Variants in MYH15 observed in about 807,000 individuals in gnomAD.
MYH15 encodes myosin-15.
MYH15 carries 227 observed loss-of-function variants against 240.5 expected under a neutral mutation model. The observed-to-expected ratio is 0.94, with a 90% confidence interval of 0.85 to 1.05. MYH15 has a LOEUF of 1.05. Ranked by LOEUF, MYH15 falls within the 50% of genes least tolerant of loss-of-function variation. MYH15 has a pLI of 0.00. For missense variants in MYH15, 2,217 were observed against 2,247.5 expected, an observed-to-expected ratio of 0.99 and a Z score of 0.27; for synonymous variants, 785 against 796.7, an observed-to-expected ratio of 0.99 and a Z score of 0.25.
At chr3:108,504,181 C>T (rs1240815376) in intron 2 of MYH15, among the ~76,000 whole-genome samples, 2 of 152,110 alleles carry the variant, frequency 1.3e-5, no homozygotes, top group Admixed American at 6.5e-5. Flanking sequence ...CTAATGGGCA[C>T]AAGATTTCTT....
upstream of MYH15, among the ~76,000 whole-genome samples, chr3:108,530,770 A>C (rs1335277789): frequency 6.6e-6 from 1 of 152,180 alleles, no homozygotes; most frequent in Non-Finnish European, 1.5e-5. Flanking sequence ...ACATTCAAAG[A>C]AGCAGAAAAA....
At chr3:108,510,220 G>C (rs576571307) in intron 1 of MYH15, among the ~76,000 whole-genome samples, 1 of 152,068 alleles carries the variant, frequency 6.6e-6, no homozygotes, top group African/African-American at 2.4e-5. Flanking sequence ...TGTAGGGCCC[G>C]GGCCTAGACT....
intron 21 of MYH15, among the ~76,000 whole-genome samples, chr3:108,447,781 G>A (rs1422577392): frequency 6.6e-6 from 1 of 151,992 alleles, no homozygotes; most frequent in Non-Finnish European, 1.5e-5. Context: ...ATATATAAAA[G>A]TGTAAAACTC....
intron 33 of MYH15, among the ~76,000 whole-genome samples, chr3:108,404,284 G>T (rs2082530079): frequency 6.6e-6 from 1 of 151,934 alleles, no homozygotes; most frequent in Non-Finnish European, 1.5e-5. Context: ...GTGGGAAAGA[G>T]GTCAGTTCAA....
chr3:108,486,559 A>G, intron 9 of MYH15, 33 bp from the exon 10 acceptor site: 1 of 1,446,502 alleles, frequency 6.9e-7, no homozygotes, highest in Non-Finnish European at 9.7e-7. Context: ...TAAACAGCTT[A>G]AAGAAATCTG....
chr3:108,425,281 A>G (rs2082717464), intron 27 of MYH15, among the ~76,000 whole-genome samples: 1 of 152,236 alleles, frequency 6.6e-6, no homozygotes, highest in African/African-American at 2.4e-5. Context: ...ACTCTGATCA[A>G]AGGTTACAAG....
intron 40 of MYH15, among the ~76,000 whole-genome samples, chr3:108,382,383 T>C (rs2082349893): frequency 6.6e-6 from 1 of 152,182 alleles, no homozygotes; most frequent in Non-Finnish European, 1.5e-5. Flanking sequence ...ACTCTTAGGC[T>C]CTCCTTCAAA....
chr3:108,463,345 C>T (rs1419653432), intron 15 of MYH15, 102 bp from the exon 16 acceptor site: 24 of 1,264,138 alleles, frequency 1.9e-5, no homozygotes, highest in Admixed American at 4.7e-5. Context: ...GACAGGGTCT[C>T]ATTCTGTTAT....
intron 27 of MYH15, among the ~76,000 whole-genome samples, chr3:108,422,383 A>G (rs1489642121): frequency 6.6e-6 from 1 of 151,860 alleles, no homozygotes; most frequent in Non-Finnish European, 1.5e-5. Context: ...ATGCCCAGCT[A>G]ATTTTTGTAT....
At chr3:108,427,868 A>G (rs958626252) in intron 27 of MYH15, among the ~76,000 whole-genome samples, 1 of 152,198 alleles carries the variant, frequency 6.6e-6, no homozygotes, top group Non-Finnish European at 1.5e-5. Flanking sequence ...GCAACTAGCC[A>G]TTTGCTCTGC....
the MYH15 span, chr3:108,550,065 A>C: frequency 2.0e-5 from 3 of 152,012 alleles, no homozygotes; most frequent in East Asian, 5.8e-4. Flanking sequence ...CACTTAAATC[A>C]AACAGACATA....
chr3:108,515,854 A>G (rs1299400864), intron 1 of MYH15, among the ~76,000 whole-genome samples: 2 of 152,320 alleles, frequency 1.3e-5, no homozygotes, highest in East Asian at 3.9e-4. Context: ...GGAAGTAAAG[A>G]GGGAAATTCA....
At chr3:108,534,625 G>A in the MYH15 span, among the ~76,000 whole-genome samples, 1 of 151,764 alleles carries the variant, frequency 6.6e-6, no homozygotes, top group Admixed American at 6.6e-5. Context: ...CAGCACTTTC[G>A]GAGATCAAGG....
intron 1 of MYH15, among the ~76,000 whole-genome samples, chr3:108,508,982 T>C (rs1352785349): frequency 6.6e-6 from 1 of 152,164 alleles, no homozygotes; most frequent in Admixed American, 6.6e-5. Flanking sequence ...ATTATCTCCT[T>C]TGATACATGA....
chr3:108,508,973 T>C (rs2083500521), intron 1 of MYH15, among the ~76,000 whole-genome samples: 1 of 152,148 alleles, frequency 6.6e-6, no homozygotes, highest in Non-Finnish European at 1.5e-5. Context: ...ACAAGTATTA[T>C]TATCTCCTTT....
At chr3:108,499,224 G>T (rs2083417913) in intron 5 of MYH15, among the ~76,000 whole-genome samples, 1 of 152,104 alleles carries the variant, frequency 6.6e-6, no homozygotes, top group Non-Finnish European at 1.5e-5. Flanking sequence ...TATTTCTAAA[G>T]GATCTCTGAA....
At chr3:108,432,037 G>A (rs1307950731) in intron 25 of MYH15, among the ~76,000 whole-genome samples, 1 of 150,844 alleles carries the variant, frequency 6.6e-6, no homozygotes, top group Non-Finnish European at 1.5e-5. Flanking sequence ...AGATGACTTG[G>A]GTGCTGTTAA....
At chr3:108,411,615 C>T (rs1351799148) in intron 30 of MYH15, among the ~76,000 whole-genome samples, 5 of 152,144 alleles carry the variant, frequency 3.3e-5, no homozygotes, top group African/African-American at 1.2e-4. Context: ...TCTCCACCAC[C>T]CCCGTAATAT....
intron 28 of MYH15, among the ~76,000 whole-genome samples, chr3:108,420,192 AATTT>A (rs2082671141): frequency 6.6e-6 from 1 of 152,224 alleles, no homozygotes; most frequent in Admixed American, 6.5e-5. Flanking sequence ...TTCTACTTTT[AATTT>A]ATTTATCAAA....
Sources: gnomAD v4.1 joint callset for allele counts (sites outside exome capture counted in the v4.1 genomes callset) on GRCh38, gnomAD v4.1.1 for gene constraint, MANE v1.5 for transcripts, NCBI Gene and HGNC (gene_info 2026-07-23, HGNC 2026-07-21) for gene names.